The following GALNTL6 variants were observed in gnomAD, a reference collection of about 807,000 sequenced individuals.
GALNTL6 encodes the protein polypeptide N-acetylgalactosaminyltransferase like 6, also known as polypeptide N-acetylgalactosaminyltransferase-like 6.
In GALNTL6, 46 loss-of-function variants were observed where a neutral mutation model predicts 73.7. The ratio of observed to expected loss-of-function variants is 0.62; its 90% CI spans 0.49 to 0.80. The LOEUF (loss-of-function observed/expected upper bound fraction) is 0.80. GALNTL6 is among the 30% of genes least tolerant of loss of function. The pLI is 0.00. For synonymous variants in GALNTL6, 259 were observed against 263.7 expected (o/e 0.98, Z 0.17); for missense variants, 604 against 755.0 (o/e 0.80, Z 2.34).
chr4:171,831,580 T>G (rs1036515961), intron 2 of GALNTL6, among the ~76,000 whole-genome samples: 2 of 151,952 alleles, frequency 1.3e-5, no homozygotes, highest in Non-Finnish European at 2.9e-5. Context: ...CTTGCTTTTG[T>G]GTTCATTTCA....
chr4:172,056,768 T>C (rs1731030169), intron 2 of GALNTL6, among the ~76,000 whole-genome samples: 1 of 152,184 alleles, frequency 6.6e-6, no homozygotes, highest in Admixed American at 6.5e-5. Flanking sequence ...GAACTGCTTA[T>C]TGTGGTACTT....
intron 5 of GALNTL6, among the ~76,000 whole-genome samples, chr4:172,732,106 GGAT>G (rs1212244023): frequency 6.6e-6 from 1 of 151,976 alleles, no homozygotes; most frequent in Non-Finnish European, 1.5e-5. Flanking sequence ...TTTTGTGTCT[GGAT>G]GATCTGTCTG....
intron 2 of GALNTL6, among the ~76,000 whole-genome samples, chr4:171,818,427 A>G (rs886720530): frequency 6.6e-6 from 1 of 151,888 alleles, no homozygotes. Context: ...TATTAATTAC[A>G]GAAATAATTC....
intron 5 of GALNTL6, among the ~76,000 whole-genome samples, chr4:172,578,807 A>G (rs1156887248): frequency 2.0e-5 from 3 of 152,190 alleles, no homozygotes; most frequent in Non-Finnish European, 4.4e-5. Context: ...TTTTATCTCT[A>G]TGGATGTGGT....
chr4:172,287,140 AGAT>A (rs1340100070), intron 3 of GALNTL6, among the ~76,000 whole-genome samples: 1 of 152,220 alleles, frequency 6.6e-6, no homozygotes, highest in Non-Finnish European at 1.5e-5. Context: ...CATTCTTAAA[AGAT>A]GATGATGCTT....
chr4:172,467,843 TTTCTTTC>T (rs1272931327), intron 5 of GALNTL6, among the ~76,000 whole-genome samples: 4 of 150,044 alleles, frequency 2.7e-5, no homozygotes, highest in Admixed American at 2.0e-4. Context: ...TCTTTCTTTC[TTTCTTTC>T]TTTCTTTCTT....
chr4:172,699,833 T>G lies in GALNTL6; in HGVS notation c.554-109528T>G, dbSNP rs558200104. Reference sequence around the variant, plus strand: ...AAAAAGAAAAAGAAAATAATTTTTTTGTTTTCTTTTTCTCAGTAAGGAACT... The same window carrying G: ...AAAAAGAAAAAGAAAATAATTTTTTGGTTTTCTTTTTCTCAGTAAGGAACT... On this transcript the variant is annotated intron_variant, in intron 5 of 12. Transcript: ENST00000506823. Among the ~76,000 whole-genome samples the G allele has an allele frequency of 2.0e-5, 3 of 152,312 alleles. No individual in the cohort carries two copies. In the South Asian group the frequency reaches 6.2e-4, roughly 32 times the overall value.
At chr4:172,763,360 T>C (rs1231049840) in intron 5 of GALNTL6, among the ~76,000 whole-genome samples, 1 of 152,206 alleles carries the variant, frequency 6.6e-6, no homozygotes, top group Non-Finnish European at 1.5e-5. Context: ...TTAGATTTAT[T>C]TTCTCACTCA....
chr4:172,594,277 G>A (rs1737765159), intron 5 of GALNTL6, among the ~76,000 whole-genome samples: 2 of 152,080 alleles, frequency 1.3e-5, no homozygotes, highest in South Asian at 4.1e-4. Context: ...CCCAGGAGGT[G>A]GAGGTTGCAG....
chr4:172,221,557 T>TG (rs1736676686), intron 2 of GALNTL6, among the ~76,000 whole-genome samples: 2 of 150,504 alleles, frequency 1.3e-5, no homozygotes, highest in Non-Finnish European at 3.0e-5. Context: ...TTTGTGGAGT[T>TG]TGTGTGTGTG....
At chr4:172,481,215 C>T (rs1306310733) in intron 5 of GALNTL6, among the ~76,000 whole-genome samples, 1 of 151,538 alleles carries the variant, frequency 6.6e-6, no homozygotes, top group Non-Finnish European at 1.5e-5. Context: ...CTTAAGGCAG[C>T]CAGTCGGGAG....
chr4:172,731,403 C>G (rs988162008), intron 5 of GALNTL6, among the ~76,000 whole-genome samples: 12 of 152,002 alleles, frequency 7.9e-5, no homozygotes, highest in Non-Finnish European at 1.8e-4. Flanking sequence ...TTCTGTGTCT[C>G]CTTTTATTTG....
chr4:172,147,383 T>C (rs1036300625), intron 2 of GALNTL6, among the ~76,000 whole-genome samples: 8 of 152,232 alleles, frequency 5.3e-5, no homozygotes, highest in Non-Finnish European at 1.2e-4. Context: ...CAAATGACCA[T>C]GGGTTTGGCC....
At chr4:172,260,605 T>C (rs888440415) in intron 3 of GALNTL6, among the ~76,000 whole-genome samples, 5 of 151,622 alleles carry the variant, frequency 3.3e-5, no homozygotes, top group Admixed American at 6.6e-5. Flanking sequence ...TTCTTTCTCT[T>C]GTCTGATTGC....
At chr4:172,948,295 T>C (rs1368155736) in intron 9 of GALNTL6, among the ~76,000 whole-genome samples, 2 of 152,224 alleles carry the variant, frequency 1.3e-5, no homozygotes, top group African/African-American at 2.4e-5. Flanking sequence ...GCAATTATTA[T>C]GTTGTTTCTG....
intron 5 of GALNTL6, among the ~76,000 whole-genome samples, chr4:172,612,622 G>A (rs1738568832): frequency 6.6e-6 from 1 of 151,960 alleles, no homozygotes; most frequent in Non-Finnish European, 1.5e-5. Flanking sequence ...GAGATGACTT[G>A]GAATGGCTGT....
At chr4:172,296,191 G>A (rs1010283396) in intron 3 of GALNTL6, among the ~76,000 whole-genome samples, 2 of 151,886 alleles carry the variant, frequency 1.3e-5, no homozygotes, top group Non-Finnish European at 2.9e-5. Flanking sequence ...AATGTGTATC[G>A]GCTTTTACTC....
At chr4:172,601,331 A>G (rs1738044048) in intron 5 of GALNTL6, among the ~76,000 whole-genome samples, 1 of 152,118 alleles carries the variant, frequency 6.6e-6, no homozygotes, top group African/African-American at 2.4e-5. Context: ...TTTGATCACT[A>G]ATGTGGTAGT....
intron 10 of GALNTL6, among the ~76,000 whole-genome samples, chr4:173,003,002 T>C (rs1579767380): frequency 6.6e-6 from 1 of 152,180 alleles, no homozygotes; most frequent in South Asian, 2.1e-4. Flanking sequence ...TATTGCTTAA[T>C]GATTAATAGT....
Sources: allele counts gnomAD v4.1 joint callset (sites outside exome capture counted in the v4.1 genomes callset), GRCh38; gene constraint gnomAD v4.1.1; transcripts MANE v1.5; gene names NCBI Gene and HGNC (gene_info 2026-07-23, HGNC 2026-07-21).